AJAP1: variants seen among roughly 807,000 people sequenced by gnomAD.
The protein encoded by AJAP1 is adherens junctions associated protein 1.
Under a neutral mutation model 35.0 loss-of-function variants are expected in AJAP1, and 5 were observed. The observed-to-expected ratio is 0.14, with a 90% CI of 0.07 to 0.30. AJAP1 has a LOEUF of 0.30. Among genes scored for constraint, AJAP1 ranks in the 10% least tolerant of loss-of-function variants. AJAP1 has a pLI of 1.00. For missense variants in AJAP1, 586 were observed against 571.0 expected, an observed-to-expected ratio of 1.03 and a Z score of -0.27; for synonymous variants, 284 against 249.3, an observed-to-expected ratio of 1.14 and a Z score of -1.31.
At chr1:4,668,834 T>A (rs1639192886) in intron 1 of AJAP1, among the ~76,000 whole-genome samples, 1 of 152,234 alleles carries the variant, frequency 6.6e-6, no homozygotes, top group East Asian at 1.9e-4. Context: ...GCCTGCCTTT[T>A]ATTTTCCCTC....
intron 1 of AJAP1, among the ~76,000 whole-genome samples, chr1:4,704,697 G>A (rs1398168421): frequency 6.6e-6 from 1 of 152,140 alleles, no homozygotes; most frequent in Non-Finnish European, 1.5e-5. Flanking sequence ...GGGTCAAATG[G>A]TATTTCTAGT....
intron 2 of AJAP1, among the ~76,000 whole-genome samples, chr1:4,728,459 G>T (rs1017238580): frequency 6.6e-6 from 1 of 152,160 alleles, no homozygotes; most frequent in Non-Finnish European, 1.5e-5. Flanking sequence ...ACCCAGCCCC[G>T]GGTTTGGGGT....
At position 4,783,858 on chromosome 1, in the gene AJAP1, C is replaced by T. The variant is rs41304994; in HGVS notation, c.*1373C>T. On this transcript the variant is annotated 3_prime_UTR_variant, in exon 6 of 6. Coordinates refer to ENST00000378191, the MANE Select transcript of AJAP1 (RefSeq NM_018836.4). ...TGAAGGGCCCCGGTTGGTTTGAAAACGAAAAATAGTCATTCTGTGTGCAAA... is the reference window on the plus strand; with the variant it reads ...TGAAGGGCCCCGGTTGGTTTGAAAATGAAAAATAGTCATTCTGTGTGCAAA... The T allele has an allele frequency of 0.33, 50,076 of 151,918 alleles. 9,431 individuals are homozygous for T. The highest frequency in any genetic ancestry group is 0.49 in the African/African-American group (20,287 of 41,412). 9.4% of individuals were successfully genotyped at this position (151,918 alleles called of 1,614,324 possible).
At chr1:4,696,157 G>C (rs1038771314) in intron 1 of AJAP1, among the ~76,000 whole-genome samples, 1 of 150,856 alleles carries the variant, frequency 6.6e-6, no homozygotes, top group Non-Finnish European at 1.5e-5. Flanking sequence ...GGGTTGAGGG[G>C]GGGAGCAGGG....
At chr1:4,751,111 G>A (rs142057112) in intron 2 of AJAP1, among the ~76,000 whole-genome samples, 1 of 152,028 alleles carries the variant, frequency 6.6e-6, no homozygotes, top group East Asian at 1.9e-4. Context: ...TCGCTCCCCT[G>A]GCTGCCTTGG....
intron 2 of AJAP1, among the ~76,000 whole-genome samples, chr1:4,721,857 G>A (rs952181435): frequency 6.6e-6 from 1 of 152,228 alleles, no homozygotes; most frequent in Non-Finnish European, 1.5e-5. Context: ...GCTTGATATA[G>A]TGTCCTAACT....
At chr1:4,760,769 C>A (rs1374482900) in intron 2 of AJAP1, among the ~76,000 whole-genome samples, 3 of 152,228 alleles carry the variant, frequency 2.0e-5, no homozygotes, top group Non-Finnish European at 4.4e-5. Flanking sequence ...GGCGAATATG[C>A]AGGCTTGGCC....
intron 1 of AJAP1, among the ~76,000 whole-genome samples, chr1:4,679,541 C>G (rs72637581): frequency 2.0e-5 from 3 of 151,956 alleles, no homozygotes; most frequent in Non-Finnish European, 2.9e-5. Context: ...AAATATATTA[C>G]CTCATAGTTC....
Position 4,784,086 on chromosome 1 carries a change from C to G in AJAP1, c.*1601C>G, listed in dbSNP as rs1039279982. The G allele has an allele frequency of 6.6e-6, 1 of 152,226 alleles. No homozygotes were observed. Among genetic ancestry groups the G allele is most frequent in the Non-Finnish European group, 1.5e-5 (1 of 68,046 alleles). The allele number at this position is 152,226 out of a possible 1,614,324, so 9.4% of individuals were successfully genotyped here. A position where few individuals can be genotyped will look rare whatever the true frequency, so the allele number is the denominator to read the frequency against. On this transcript the variant is annotated 3_prime_UTR_variant, in exon 6 of 6. Transcript: ENST00000378191. ...TTCTGTTTTGTCACCGAGAATCCTACTATAAACTACCCAGTGGAAACAGGG... is the reference window on the plus strand; with the variant it reads ...TTCTGTTTTGTCACCGAGAATCCTAGTATAAACTACCCAGTGGAAACAGGG...
chr1:4,787,061 A>G lies in AJAP1; in HGVS notation c.*4576A>G, dbSNP rs571228999. ...GTGAATTCTTTAAGACACTACTCAC[A>G]TATGCCATTGGAGAGAAACAACCCG... On this transcript the variant is annotated 3_prime_UTR_variant, in exon 6 of 6. Coordinates refer to ENST00000378191, the MANE Select transcript of AJAP1 (RefSeq NM_018836.4). 6 of 152,416 alleles carry G rather than the reference A, an allele frequency of 3.9e-5. No homozygotes were observed. The highest frequency in any genetic ancestry group is 1.2e-4 in the African/African-American group (5 of 41,580). 9.4% of individuals were successfully genotyped at this position (152,416 alleles called of 1,614,324 possible). A position where few individuals can be genotyped will look rare whatever the true frequency, so the allele number is the denominator to read the frequency against.
Position 4,782,577 on chromosome 1 carries a change from A to G in AJAP1, c.*92A>G, listed in dbSNP as rs1642086514. The G allele has an allele frequency of 2.5e-6, 1 of 394,990 alleles. No individual in the cohort carries two copies. The highest frequency in any genetic ancestry group is 4.5e-6 in the Non-Finnish European group (1 of 224,238). The allele number at this position is 394,990 out of a possible 1,614,324, so 24.5% of individuals were successfully genotyped here. On this transcript the variant is annotated 3_prime_UTR_variant, in exon 6 of 6. Coordinates refer to ENST00000378191, the MANE Select transcript of AJAP1 (RefSeq NM_018836.4). The surrounding 1 kb of genome is among the most constrained non-coding windows in gnomAD (Gnocchi z 5.3). The stretch of plus-strand genomic sequence containing the variant: ...TTGGTGAACCTGTAAAAACAAAACA[A>G]ACAAAACAAAACAAAAAAGACAAAA...
At chr1:4,754,961 A>G (rs1225077411) in intron 2 of AJAP1, among the ~76,000 whole-genome samples, 1 of 152,146 alleles carries the variant, frequency 6.6e-6, no homozygotes, top group Non-Finnish European at 1.5e-5. Context: ...AGATGCAGGG[A>G]GATCAGCCCT....
At chr1:4,721,443 T>C (rs974909832) in intron 2 of AJAP1, among the ~76,000 whole-genome samples, 2 of 152,254 alleles carry the variant, frequency 1.3e-5, no homozygotes, top group Admixed American at 6.5e-5. Flanking sequence ...CAGAGGGTCC[T>C]GTCCATCAGC....
chr1:4,716,917 A>T (rs1004828829), intron 2 of AJAP1, among the ~76,000 whole-genome samples: 16 of 151,966 alleles, frequency 1.1e-4, no homozygotes, highest in Non-Finnish European at 1.9e-4. Flanking sequence ...TGTAGATGGC[A>T]CTAGCCAAGA....
In AJAP1 at chr1:4,711,888, C is replaced by A. The variant is rs551223535; in HGVS notation, c.30-12C>A. ...CCACTGACCGCTCTTCTCTCCTTTC[C>A]CCCCCGCACAGCTCCATGTCCATCC... On this transcript the variant is annotated splice_polypyrimidine_tract_variant and intron_variant, in intron 1 of 5. Transcript: ENST00000378191. The A allele has an allele frequency of 2.5e-5, 37 of 1,451,476 alleles. No homozygotes were observed. The South Asian group carries it at 4.0e-4, about 16-fold the overall frequency. 89.9% of individuals were successfully genotyped at this position (1,451,476 alleles called of 1,614,324 possible). A position where few individuals can be genotyped will look rare whatever the true frequency, so the allele number is the denominator to read the frequency against.
At chr1:4,743,119 G>C (rs1443753570) in intron 2 of AJAP1, among the ~76,000 whole-genome samples, 3 of 152,330 alleles carry the variant, frequency 2.0e-5, no homozygotes, top group East Asian at 3.9e-4. Flanking sequence ...CCCCTTGGTG[G>C]CTGCAGTGAC....
At chr1:4,744,681 G>A (rs566269887) in intron 2 of AJAP1, among the ~76,000 whole-genome samples, 2 of 151,606 alleles carry the variant, frequency 1.3e-5, no homozygotes, top group Non-Finnish European at 2.9e-5. Flanking sequence ...CCACCCTCAT[G>A]TCTCACCATG....
intron 1 of AJAP1, among the ~76,000 whole-genome samples, chr1:4,709,732 A>C (rs1435799124): frequency 1.3e-5 from 2 of 152,226 alleles, no homozygotes; most frequent in Non-Finnish European, 2.9e-5. Context: ...CTTGGCTGCT[A>C]GTGCAGAGAA....
chr1:4,737,908 A>G (rs1050552903), intron 2 of AJAP1, among the ~76,000 whole-genome samples: 2 of 150,666 alleles, frequency 1.3e-5, no homozygotes, highest in African/African-American at 4.8e-5. Flanking sequence ...TTTCAAAAAA[A>G]CCAAAACCAA....
Sources: gnomAD v4.1 joint callset for allele counts (sites outside exome capture counted in the v4.1 genomes callset) on GRCh38, gnomAD v4.1.1 for gene constraint, Gnocchi (gnomAD v3.1) non-coding constraint, MANE v1.5 for transcripts, NCBI Gene and HGNC (gene_info 2026-07-23, HGNC 2026-07-21) for gene names.